Variants in RIN3 observed in about 807,000 individuals in gnomAD.
The protein encoded by RIN3 is RAB5 interacting protein 3.
A neutral mutation model predicts 76.3 loss-of-function variants in RIN3; 54 were observed. That is an observed-to-expected ratio of 0.71 (90% CI 0.57 to 0.89). RIN3 has a LOEUF of 0.89. Among genes scored for constraint, RIN3 ranks in the 40% least tolerant of loss-of-function variants. The probability of loss-of-function intolerance (pLI) is 0.00; values close to 1 mark genes in which losing one functional copy is unlikely to be tolerated. For synonymous variants in RIN3, 576 were observed against 564.0 expected, an observed-to-expected ratio of 1.02 and a Z score of -0.30; for missense variants, 1,256 against 1,322.1, an observed-to-expected ratio of 0.95 and a Z score of 0.78.
chr14:92,593,471 G>A lies in RIN3; in HGVS notation c.367+15994G>A, dbSNP rs8017041. On this transcript the variant is annotated intron_variant, in intron 3 of 9. Transcript: ENST00000216487. ...ACATATAGATTAACAGTAAATGGAT[G>A]GAGAAAGGTATACCATGCTAACACT... Among the ~76,000 whole-genome samples the A allele has an allele frequency of 7.6e-3, 1,150 of 151,950 alleles. 15 individuals carry two copies. Among genetic ancestry groups the A allele is most frequent in the African/African-American group, 0.027 (1,110 of 41,378 alleles).
At chr14:92,616,934 C>A (rs1461946684) in intron 4 of RIN3, among the ~76,000 whole-genome samples, 1 of 152,114 alleles carries the variant, frequency 6.6e-6, no homozygotes, top group Non-Finnish European at 1.5e-5. Context: ...CAAATGATAC[C>A]ATTTTGGTTT....
At chr14:92,601,230 G>A (rs1438955271) in intron 3 of RIN3, among the ~76,000 whole-genome samples, 8 of 152,054 alleles carry the variant, frequency 5.3e-5, no homozygotes, top group Admixed American at 5.2e-4. Flanking sequence ...TTCTAATGTG[G>A]CTATGAGAAA....
intron 1 of RIN3, among the ~76,000 whole-genome samples, chr14:92,553,341 C>G (rs904473659): frequency 6.6e-6 from 1 of 152,130 alleles, no homozygotes; most frequent in African/African-American, 2.4e-5. Flanking sequence ...GTTAGAGGAG[C>G]CTGCAGCCCA....
At chr14:92,515,728 T>C (rs554802329) in intron 1 of RIN3, among the ~76,000 whole-genome samples, 1 of 152,324 alleles carries the variant, frequency 6.6e-6, no homozygotes, top group Admixed American at 6.5e-5. Context: ...GTTTCGTGGA[T>C]TGGCTGAGTT....
intron 1 of RIN3, among the ~76,000 whole-genome samples, chr14:92,518,468 C>T (rs2139989174): frequency 6.6e-6 from 1 of 152,234 alleles, no homozygotes; most frequent in African/African-American, 2.4e-5. Context: ...GGCTAGGAGC[C>T]CAACTCCATT....
chr14:92,601,042 A>G (rs1885326461), intron 3 of RIN3, among the ~76,000 whole-genome samples: 1 of 152,202 alleles, frequency 6.6e-6, no homozygotes, highest in South Asian at 2.1e-4. Context: ...GTATCTTGAG[A>G]TGAGCTGTGA....
chr14:92,671,123 G>A (rs1888272461), intron 7 of RIN3, among the ~76,000 whole-genome samples: 1 of 152,192 alleles, frequency 6.6e-6, no homozygotes, highest in African/African-American at 2.4e-5. Flanking sequence ...TGATGCGAGA[G>A]AGGCTCAGAG....
chr14:92,528,228 G>T (rs573508324), intron 1 of RIN3, among the ~76,000 whole-genome samples: 1 of 151,750 alleles, frequency 6.6e-6, no homozygotes, highest in East Asian at 2.0e-4. Context: ...CGGGGAGGCC[G>T]CCTTTATTCC....
rs182956084 is a variant in RIN3, at chr14:92,547,734, C to T, written c.45-8017C>T. ...TGTTTTCTTTTTTGAGACAGAGTCT[C>T]GCTGTGTCACCCAGGCTGGAGTGCA... On this transcript the variant is annotated intron_variant, in intron 1 of 9. Coordinates refer to ENST00000216487, the MANE Select transcript of RIN3 (RefSeq NM_024832.5). Among the ~76,000 whole-genome samples the T allele has an allele frequency of 1.4e-3, 197 of 139,598 alleles. 2 individuals are homozygous for T. Among genetic ancestry groups the T allele is most frequent in the Middle Eastern group, 0.014 (3 of 218 alleles). 91.6% of individuals were successfully genotyped at this position (139,598 alleles called of 152,430 possible).
intron 3 of RIN3, among the ~76,000 whole-genome samples, chr14:92,587,940 G>T (rs1566856186): frequency 6.6e-6 from 1 of 152,176 alleles, no homozygotes; most frequent in East Asian, 1.9e-4. Flanking sequence ...AGGTTCTCTT[G>T]TCTAGTGAGG....
chr14:92,675,491 C>A (rs531699748), intron 7 of RIN3, among the ~76,000 whole-genome samples: 2 of 152,366 alleles, frequency 1.3e-5, no homozygotes, highest in East Asian at 3.9e-4. Context: ...CGGTCCACAT[C>A]CAGACCTGGT....
chr14:92,673,031 C>T (rs1385536594), intron 7 of RIN3, among the ~76,000 whole-genome samples: 1 of 152,014 alleles, frequency 6.6e-6, no homozygotes, highest in East Asian at 1.9e-4. Flanking sequence ...GTCTTTAATC[C>T]AGCGCTTTGG....
At chr14:92,528,034 G>A (rs1370857238) in intron 1 of RIN3, among the ~76,000 whole-genome samples, 1 of 150,914 alleles carries the variant, frequency 6.6e-6, no homozygotes, top group African/African-American at 2.4e-5. Flanking sequence ...AGGATGTGGG[G>A]GCAGCTCAGG....
At chr14:92,669,405 A>G (rs776676661) in intron 7 of RIN3, among the ~76,000 whole-genome samples, 1 of 152,194 alleles carries the variant, frequency 6.6e-6, no homozygotes, top group Non-Finnish European at 1.5e-5. Flanking sequence ...TGTGATATTG[A>G]CTTTCCCATT....
intron 1 of RIN3, among the ~76,000 whole-genome samples, chr14:92,532,013 C>G (rs1896893660): frequency 6.6e-6 from 1 of 151,728 alleles, no homozygotes; most frequent in Non-Finnish European, 1.5e-5. Flanking sequence ...GCTGCAACCT[C>G]CGCCTCCTGG....
chr14:92,575,725 G>C (rs1014270619), intron 2 of RIN3, among the ~76,000 whole-genome samples: 9 of 152,070 alleles, frequency 5.9e-5, no homozygotes, highest in Non-Finnish European at 1.2e-4. Context: ...AGGTCACTTT[G>C]GTCACCATCT....
intron 4 of RIN3, among the ~76,000 whole-genome samples, chr14:92,621,800 A>G (rs967097648): frequency 6.6e-6 from 1 of 152,252 alleles, no homozygotes; most frequent in Non-Finnish European, 1.5e-5. Flanking sequence ...GTAAGTGTAC[A>G]TACAAATAAA....
At chr14:92,531,141 A>G (rs74072930) in intron 1 of RIN3, among the ~76,000 whole-genome samples, 10,894 of 152,164 alleles carry the variant, frequency 0.072, 1,305 homozygotes, top group African/African-American at 0.25. Flanking sequence ...ACAAAATAGC[A>G]CCGATGGGGT....
intron 3 of RIN3, among the ~76,000 whole-genome samples, chr14:92,580,446 T>G (rs1898400704): frequency 6.6e-6 from 1 of 152,258 alleles, no homozygotes; most frequent in Non-Finnish European, 1.5e-5. Flanking sequence ...TGCCAGGCAC[T>G]GTTCACTGCC....
Sources: gnomAD v4.1 joint callset for allele counts (sites outside exome capture counted in the v4.1 genomes callset) on GRCh38, gnomAD v4.1.1 for gene constraint, MANE v1.5 for transcripts, NCBI Gene and HGNC (gene_info 2026-07-23, HGNC 2026-07-21) for gene names.